CFAP251: variants seen among roughly 807,000 people sequenced by gnomAD.
CFAP251 encodes the protein cilia- and flagella-associated protein 251.
In CFAP251, 93 loss-of-function variants were observed where a neutral mutation model predicts 126.7. The ratio of observed to expected loss-of-function variants is 0.73; its 90% CI spans 0.62 to 0.87. CFAP251 has a LOEUF of 0.87. Among genes scored for constraint, CFAP251 ranks in the 40% least tolerant of loss-of-function variants. CFAP251 has a pLI of 0.00. For synonymous variants in CFAP251, 503 were observed against 506.9 expected, an observed-to-expected ratio of 0.99 and a Z score of 0.10; for missense variants, 1,287 against 1,389.2, an observed-to-expected ratio of 0.93 and a Z score of 1.17.
At chr12:121,999,564 G>A in intron 19 of CFAP251, 152 bp from the exon 20 acceptor site, 3 of 572,254 alleles carry the variant, frequency 5.2e-6, no homozygotes, top group East Asian at 6.0e-5. Context: ...TCAAACTCCT[G>A]GCCTCAAGTG....
intron 10 of CFAP251, among the ~76,000 whole-genome samples, chr12:121,956,499 CT>C (rs1215118903): frequency 6.6e-6 from 1 of 151,980 alleles, no homozygotes; most frequent in Admixed American, 6.6e-5. Context: ...GTTTGTTTGT[CT>C]GTTTTGTTTT....
chr12:121,951,772 G>A (rs895769003), intron 9 of CFAP251, among the ~76,000 whole-genome samples: 1 of 151,990 alleles, frequency 6.6e-6, no homozygotes, highest in African/African-American at 2.4e-5. Flanking sequence ...AGGCTGGCGT[G>A]CAGTGGCGTG....
At chr12:121,930,380 G>A (rs1002897403) in intron 3 of CFAP251, among the ~76,000 whole-genome samples, 4 of 151,822 alleles carry the variant, frequency 2.6e-5, no homozygotes, top group African/African-American at 9.7e-5. Context: ...CAAGCTACTC[G>A]GGAGGCTGAG....
At position 121,948,971 on chromosome 12, in the gene CFAP251, C is replaced by A. The variant is rs1398830048; in HGVS notation, c.1192-13C>A. On this transcript the variant is annotated splice_polypyrimidine_tract_variant and intron_variant, in intron 7 of 21. Transcript: ENST00000288912. ...AATTTATCATTAATGTATTTTCATACTTTATATTTCAGAACTACGTTACTT... is the reference window on the plus strand; with the variant it reads ...AATTTATCATTAATGTATTTTCATAATTTATATTTCAGAACTACGTTACTT... 2.7e-6 allele frequency: 4 copies of A among 1,476,264 alleles called. No individual in the cohort carries two copies. The highest frequency in any genetic ancestry group is 3.7e-6 in the Non-Finnish European group (4 of 1,081,988). 91.4% of individuals were successfully genotyped at this position (1,476,264 alleles called of 1,614,324 possible).
chr12:121,975,495 G>C, intron 18 of CFAP251, 47 bp from the exon 19 acceptor site: 1 of 1,602,424 alleles, frequency 6.2e-7, no homozygotes, highest in Non-Finnish European at 8.5e-7. Flanking sequence ...GGATGCTTCA[G>C]ACTTAAGCCT....
chr12:121,957,017 A>C, intron 10 of CFAP251, 57 bp from the exon 11 acceptor site: 1 of 1,393,922 alleles, frequency 7.2e-7, no homozygotes, highest in Non-Finnish European at 9.8e-7. Flanking sequence ...TAGGTATTAT[A>C]TAGATGCTAC....
chr12:121,934,685 G>A (rs909977101), intron 5 of CFAP251, among the ~76,000 whole-genome samples: 23 of 152,146 alleles, frequency 1.5e-4, no homozygotes, highest in African/African-American at 5.1e-4. Flanking sequence ...TACATTTCTT[G>A]TTGGATATGT....
At chr12:121,959,259 G>A in intron 13 of CFAP251, 165 bp downstream of exon 13, 1 of 672,326 alleles carries the variant, frequency 1.5e-6, no homozygotes, top group Non-Finnish European at 2.4e-6. Context: ...AAACACAGCA[G>A]GACCCCACTG....
chr12:121,922,352 C>G (rs1422969062), intron 2 of CFAP251, among the ~76,000 whole-genome samples: 1 of 151,530 alleles, frequency 6.6e-6, no homozygotes, highest in Non-Finnish European at 1.5e-5. Context: ...TCAGGTGATC[C>G]ACCAGCTTTG....
chr12:121,977,927 C>G (rs1456500462), intron 19 of CFAP251, among the ~76,000 whole-genome samples: 1 of 150,394 alleles, frequency 6.6e-6, no homozygotes, highest in Non-Finnish European at 1.5e-5. Context: ...CCACTGCACT[C>G]CAGCCTGGGT....
At chr12:121,994,896 CTAT>C (rs1882988915) in intron 19 of CFAP251, among the ~76,000 whole-genome samples, 1 of 146,336 alleles carries the variant, frequency 6.8e-6, no homozygotes, top group Non-Finnish European at 1.5e-5. Flanking sequence ...CTTCCCTCCA[CTAT>C]TGTCCCATGA....
At position 121,975,652 on chromosome 12, in the gene CFAP251, G is replaced by A. The variant is rs561881922; in HGVS notation, c.2973G>A (p.Met991Ile). ...GCCTGTCAGAGCTTCCTTTTGTCAT[G>A]AGAGCAATTGGCTTTTACCCATCTG... ...HICLSELPFV[M>I]RAIGFYPSEE... Residue 991 changes from methionine to isoleucine, a missense_variant, in exon 19 of 22, where the codon ATG (methionine) becomes ATA (isoleucine). Met to Ile is a conservative substitution (Grantham distance 10). Coordinates refer to ENST00000288912, the MANE Select transcript of CFAP251 (RefSeq NM_144668.6). 1 of 1,595,852 alleles carries A rather than the reference G, an allele frequency of 6.3e-7. No individual in the cohort carries two copies. Among genetic ancestry groups the A allele is most frequent in the Non-Finnish European group, 8.5e-7 (1 of 1,174,716 alleles).
At chr12:121,992,484 T>C in intron 19 of CFAP251, 1 of 985,400 alleles carries the variant, frequency 1.0e-6, no homozygotes, top group Non-Finnish European at 1.2e-6. Context: ...CCCTTATGAA[T>C]TCCTTTTGTC....
chr12:121,962,220 C>G, intron 15 of CFAP251, 58 bp downstream of exon 15: 1 of 1,539,006 alleles, frequency 6.5e-7, no homozygotes, highest in Non-Finnish European at 8.9e-7. Context: ...TGCCCCCAAC[C>G]TGTTTCAGGT....
chr12:121,973,107 G>A (rs1882376918), intron 17 of CFAP251, among the ~76,000 whole-genome samples: 1 of 152,224 alleles, frequency 6.6e-6, no homozygotes, highest in African/African-American at 2.4e-5. Flanking sequence ...GACAAGCCCA[G>A]GATCCTCATG....
chr12:121,951,743 G>T (rs942149686), intron 9 of CFAP251, among the ~76,000 whole-genome samples: 12 of 152,108 alleles, frequency 7.9e-5, no homozygotes, highest in Middle Eastern at 3.4e-3. Context: ...TTTTGAGACG[G>T]AGTCTTGCTC....
rs1216707609 is a variant in CFAP251 at position 121,934,353 on chromosome 12, C to T, written c.995C>T (p.Thr332Ile). 2 of 1,611,962 alleles carry T rather than the reference C, an allele frequency of 1.2e-6. No homozygotes were observed. The highest frequency in any genetic ancestry group is 8.5e-7 in the Non-Finnish European group (1 of 1,178,240). Residue 332 changes from threonine (T) to isoleucine (I), a missense_variant, in exon 5 of 22, where the codon ACA (threonine) becomes ATA (isoleucine). By Grantham distance (89) the Thr-to-Ile change is moderately conservative. Transcript: ENST00000288912. ...DCLVIIWDSF[T>I]GIPVHTIFDS... ...CTGGTGATTATATGGGACTCCTTCACAGGGTAGGCTTTGTGTAGCCACTTC... is the reference window on the plus strand; with the variant it reads ...CTGGTGATTATATGGGACTCCTTCATAGGGTAGGCTTTGTGTAGCCACTTC...
At chr12:121,996,167 A>G (rs1276741517) in intron 19 of CFAP251, among the ~76,000 whole-genome samples, 1 of 152,216 alleles carries the variant, frequency 6.6e-6, no homozygotes, top group East Asian at 1.9e-4. Flanking sequence ...AGTAATGTGT[A>G]CAAATAGAGA....
At position 121,967,988 on chromosome 12, in the gene CFAP251, T is replaced by A. The variant is rs1182087882; in HGVS notation, c.2608-18T>A. 3 of 1,586,686 alleles carry A rather than the reference T, an allele frequency of 1.9e-6. No individual in the cohort carries two copies. The highest frequency in any genetic ancestry group is 3.4e-5 in the Admixed American group (2 of 58,806). ...CAGCTACCTGAGTCTGAATATCCAA[T>A]TATGTGTTCCTTTCTAGGTGGGACT... On this transcript the variant is annotated intron_variant, in intron 16 of 21. Coordinates refer to ENST00000288912, the MANE Select transcript of CFAP251 (RefSeq NM_144668.6).
Sources: gnomAD v4.1 joint callset for allele counts (sites outside exome capture counted in the v4.1 genomes callset) on GRCh38, gnomAD v4.1.1 for gene constraint, MANE v1.5 for transcripts, NCBI Gene and HGNC (gene_info 2026-07-23, HGNC 2026-07-21) for gene names.